The following DSC3 variants were observed in gnomAD, a reference collection of about 807,000 sequenced individuals.
DSC3 encodes the protein desmocollin 3.
Under a neutral mutation model 89.5 loss-of-function variants are expected in DSC3, and 97 were observed. The ratio of observed to expected loss-of-function variants is 1.08; its 90% CI spans 0.92 to 1.28. DSC3 has a LOEUF of 1.28. Among genes scored for constraint, DSC3 ranks in the 50% most tolerant of loss-of-function variants. DSC3 has a pLI of 0.00. For missense variants in DSC3, 1,199 were observed against 1,085.3 expected (o/e 1.10, Z -1.47); for synonymous variants, 436 against 384.1 (o/e 1.14, Z -1.58).
At chr18:31,011,642 C>T (rs1382687254) in intron 9 of DSC3, among the ~76,000 whole-genome samples, 1 of 152,068 alleles carries the variant, frequency 6.6e-6, no homozygotes, top group Non-Finnish European at 1.5e-5. Context: ...GGATTTTGAA[C>T]ACCATGATTA....
intron 1 of DSC3, among the ~76,000 whole-genome samples, chr18:31,034,822 A>C (rs1001473417): frequency 2.6e-5 from 4 of 152,210 alleles, no homozygotes; most frequent in African/African-American, 9.6e-5. Context: ...AGTGGTTGTA[A>C]ATGGGTATGA....
At chr18:30,995,053 T>C (rs1984409058) in intron 15 of DSC3, among the ~76,000 whole-genome samples, 1 of 152,190 alleles carries the variant, frequency 6.6e-6, no homozygotes, top group African/African-American at 2.4e-5. Flanking sequence ...AGAATGAACA[T>C]GACCCATATT....
chr18:31,005,842 C>T (rs1190664520), intron 12 of DSC3, among the ~76,000 whole-genome samples: 5 of 152,158 alleles, frequency 3.3e-5, no homozygotes, highest in Admixed American at 6.5e-5. Context: ...TCAAGACAAA[C>T]TTCAGAGGTG....
rs1001959214 is a variant in DSC3, at chr18:30,991,222, C to A, written c.*2953G>T. 2 of 152,434 alleles carry A rather than the reference C, an allele frequency of 1.3e-5. No homozygotes were observed. The highest frequency in any genetic ancestry group is 4.8e-5 in the African/African-American group (2 of 41,394). 9.4% of individuals were successfully genotyped at this position (152,434 alleles called of 1,614,324 possible). On this transcript the variant is annotated 3_prime_UTR_variant, in exon 16 of 16. Transcript: ENST00000360428. ...CTGTTTAAAACATTGCAAAACAAAC[C>A]CCACTGCATTTTAGACAGCTGCTTC...
Position 31,006,927 on chromosome 18 carries a change from C to T in DSC3, c.1868G>A (p.Trp623Ter), listed in dbSNP as rs749094416. 7 of 1,613,208 alleles carry T rather than the reference C, an allele frequency of 4.3e-6. No homozygotes were observed. The highest frequency in any genetic ancestry group is 1.6e-4 in the Middle Eastern group (1 of 6,080). ...PNTSPEISRL[W>*]SLTKVNDTAA... Reference sequence around the variant, plus strand: ...AATACCATTAACTTTGGTGAGGCTCCACAGTCTACTGATTTCTGGAGAAGT... The same window carrying T: ...AATACCATTAACTTTGGTGAGGCTCTACAGTCTACTGATTTCTGGAGAAGT... The change falls in exon 12 of 16, where the codon TGG becomes TAG. Residue 623 changes from tryptophan (W) to a stop codon, truncating the protein, a stop_gained. Transcript: ENST00000360428. LOFTEE classifies it high-confidence loss of function.
chr18:31,019,182 C>T (rs550625737), intron 7 of DSC3, among the ~76,000 whole-genome samples: 132 of 152,284 alleles, frequency 8.7e-4, no homozygotes, highest in Non-Finnish European at 1.5e-3. Flanking sequence ...CTGCAACCTC[C>T]GCCTCCTGAG....
At chr18:31,008,751 G>A (rs1475626391) in intron 9 of DSC3, among the ~76,000 whole-genome samples, 3 of 152,110 alleles carry the variant, frequency 2.0e-5, no homozygotes, top group South Asian at 2.1e-4. Flanking sequence ...TTGGACAAAC[G>A]AAATTCCGGA....
chr18:30,998,518 A>G (rs1390635203), intron 14 of DSC3, among the ~76,000 whole-genome samples: 1 of 152,238 alleles, frequency 6.6e-6, no homozygotes, highest in Non-Finnish European at 1.5e-5. Context: ...AGCTGGAGAT[A>G]TAATTCTGGG....
intron 6 of DSC3, among the ~76,000 whole-genome samples, chr18:31,023,130 A>G (rs1985480853): frequency 6.6e-6 from 1 of 152,148 alleles, no homozygotes; most frequent in East Asian, 1.9e-4. Flanking sequence ...TTACTGTAAA[A>G]GAGAACAGAC....
Position 31,024,409 on chromosome 18 carries a change from T to C in DSC3, c.715A>G (p.Asn239Asp), listed in dbSNP as rs1985526715. 13 of 1,609,954 alleles carry C rather than the reference T, an allele frequency of 8.1e-6. No individual in the cohort carries two copies. Among genetic ancestry groups the C allele is most frequent in the Non-Finnish European group, 1.1e-5 (13 of 1,177,154 alleles). The change falls in exon 6 of 16, where the codon AAC becomes GAC. Residue 239 changes from asparagine to aspartate, a missense_variant. Asn to Asp is a conservative substitution (Grantham distance 23). Coordinates refer to ENST00000360428, the MANE Select transcript of DSC3 (RefSeq NM_001941.5). ...ATTGCTTCTGTGAAAACAGGGTGGT[T>C]GTCATTTTCATCCTCTACCCTGATG... ...LPIRVEDEND[N>D]HPVFTEAIYN...
intron 9 of DSC3, among the ~76,000 whole-genome samples, chr18:31,011,490 A>G (rs999322088): frequency 1.3e-5 from 2 of 152,180 alleles, no homozygotes; most frequent in Admixed American, 1.3e-4. Context: ...CTTTCCCTGG[A>G]TATAATTCTG....
chr18:31,004,893 A>G (rs1984787236), intron 12 of DSC3, among the ~76,000 whole-genome samples: 1 of 152,206 alleles, frequency 6.6e-6, no homozygotes, highest in Non-Finnish European at 1.5e-5. Flanking sequence ...TAAGGCTTAC[A>G]CAAAACAGAA....
intron 12 of DSC3, among the ~76,000 whole-genome samples, chr18:31,005,209 T>C (rs961544347): frequency 2.0e-5 from 3 of 152,162 alleles, no homozygotes; most frequent in Non-Finnish European, 2.9e-5. Flanking sequence ...AATTACCACT[T>C]GGGTTTACTT....
intron 9 of DSC3, among the ~76,000 whole-genome samples, chr18:31,013,220 T>C (rs1450364021): frequency 6.6e-6 from 1 of 150,414 alleles, no homozygotes; most frequent in Non-Finnish European, 1.5e-5. Flanking sequence ...ATGTATCTTA[T>C]TTTATGACAA....
Position 30,994,316 on chromosome 18 carries a change from G to C in DSC3, c.2550C>G (p.Leu850=). The change falls in exon 16 of 16, where the codon CTC becomes CTG. Residue 850 remains leucine (L), a synonymous_variant. Transcript: ENST00000360428. ...EDRMPSQDYV[L]TYNYEGRGSP... ...ATCCTCTTCCCTCATAGTTATAAGTGAGGACATAATCTTGGGATGGCATGC... is the reference window on the plus strand; with the variant it reads ...ATCCTCTTCCCTCATAGTTATAAGTCAGGACATAATCTTGGGATGGCATGC... The C allele has an allele frequency of 6.2e-7, 1 of 1,614,068 alleles. No individual in the cohort carries two copies. Among genetic ancestry groups the C allele is most frequent in the South Asian group, 1.1e-5 (1 of 91,082 alleles).
At chr18:31,024,179 C>A (rs1985516394) in intron 6 of DSC3, among the ~76,000 whole-genome samples, 170 bp downstream of exon 6, 3 of 152,056 alleles carry the variant, frequency 2.0e-5, no homozygotes, top group South Asian at 4.1e-4. Flanking sequence ...ACTATCTGGG[C>A]AAGGCACATG....
At chr18:31,010,771 G>A (rs907485500) in intron 9 of DSC3, among the ~76,000 whole-genome samples, 1 of 152,158 alleles carries the variant, frequency 6.6e-6, no homozygotes, top group African/African-American at 2.4e-5. Flanking sequence ...AAGCCCATAT[G>A]CGTCACTGCT....
chr18:31,013,364 A>G (rs1985133981), intron 9 of DSC3, among the ~76,000 whole-genome samples: 1 of 152,112 alleles, frequency 6.6e-6, no homozygotes, highest in African/African-American at 2.4e-5. Context: ...ATAATGTAGA[A>G]GAATTTCAGA....
rs1441269231 is a variant in DSC3, at chr18:30,995,925, T to C, written c.2493+866A>G. Among the ~76,000 whole-genome samples the C allele has an allele frequency of 9.4e-5, 12 of 127,858 alleles. No homozygotes were observed. The Admixed American group carries it at 1.1e-3, about 12-fold the overall frequency. 83.9% of individuals were successfully genotyped at this position (127,858 alleles called of 152,430 possible). On this transcript the variant is annotated intron_variant, in intron 15 of 15. Transcript: ENST00000360428. The stretch of plus-strand genomic sequence containing the variant: ...AGGTCAAGGCTGCAGTGAGTGGAGA[T>C]TGCACCACTGAACTCCAGCCTCAGC...
Sources: gnomAD v4.1 joint callset for allele counts (sites outside exome capture counted in the v4.1 genomes callset) on GRCh38, gnomAD v4.1.1 for gene constraint, MANE v1.5 for transcripts, NCBI Gene and HGNC (gene_info 2026-07-23, HGNC 2026-07-21) for gene names.